The following SPATA17 variants were observed in gnomAD, a reference collection of about 807,000 sequenced individuals.
SPATA17 encodes the protein spermatogenesis-associated protein 17.
Under a neutral mutation model 62.2 loss-of-function variants are expected in SPATA17, and 53 were observed. That is an observed-to-expected ratio of 0.85 (90% CI 0.68 to 1.07). The LOEUF is 1.07. SPATA17 is among the 50% of genes least tolerant of loss of function. SPATA17 has a pLI of 0.00. For synonymous variants in SPATA17, 146 were observed against 146.8 expected, an observed-to-expected ratio of 0.99 and a Z score of 0.04; for missense variants, 466 against 425.5, an observed-to-expected ratio of 1.10 and a Z score of -0.84.
chr1:217,821,529 G>A (rs2136687), intron 9 of SPATA17, among the ~76,000 whole-genome samples: 43,598 of 151,908 alleles, frequency 0.29, 7,619 homozygotes, highest in Non-Finnish European at 0.38. Flanking sequence ...TACTTAGCAG[G>A]AGTTGATTCA....
intron 9 of SPATA17, chr1:217,850,706 C>T (rs1259225790): frequency 1.7e-6 from 2 of 1,195,998 alleles, no homozygotes; most frequent in Non-Finnish European, 1.2e-6. Flanking sequence ...CCTCCACACG[C>T]TCACCCGACA....
chr1:217,698,974 T>C lies in SPATA17; in HGVS notation c.395+15613T>C, dbSNP rs184826928. Among the ~76,000 whole-genome samples, 3 of 152,366 alleles carry C rather than the reference T, an allele frequency of 2.0e-5. No homozygotes were observed. The East Asian group carries it at 5.8e-4, about 29-fold the overall frequency. On this transcript the variant is annotated intron_variant, in intron 5 of 10. Transcript: ENST00000366933. ...TTATATAAATGGAGTGATACTGTTATGTCAAATCTTTATGATTGACTTTTT... is the reference window on the plus strand; with the variant it reads ...TTATATAAATGGAGTGATACTGTTACGTCAAATCTTTATGATTGACTTTTT...
At chr1:217,633,305 G>A (rs954290498) in intron 1 of SPATA17, among the ~76,000 whole-genome samples, 3 of 152,094 alleles carry the variant, frequency 2.0e-5, no homozygotes, top group Non-Finnish European at 4.4e-5. Context: ...TTATATATGA[G>A]GGATTGCACC....
At chr1:217,699,236 T>G (rs1451837434) in intron 5 of SPATA17, among the ~76,000 whole-genome samples, 4 of 152,220 alleles carry the variant, frequency 2.6e-5, no homozygotes, top group Non-Finnish European at 4.4e-5. Flanking sequence ...GTGCAAGTAT[T>G]GGGGCCTATG....
chr1:217,651,353 T>C (rs1670309287), intron 3 of SPATA17, among the ~76,000 whole-genome samples, 175 bp downstream of exon 3: 1 of 152,224 alleles, frequency 6.6e-6, no homozygotes, highest in Non-Finnish European at 1.5e-5. Context: ...TTTCTGATAT[T>C]TCCATGGAGA....
chr1:217,759,088 G>T lies in SPATA17; in HGVS notation c.520-15246G>T, dbSNP rs186959583. Among the ~76,000 whole-genome samples the T allele has an allele frequency of 2.4e-3, 372 of 152,296 alleles. 2 individuals carry two copies. Among genetic ancestry groups the T allele is most frequent in the Middle Eastern group, 0.017 (5 of 292 alleles). Reference sequence around the variant, plus strand: ...ACTGGACCATGTGCCAAAGGCTATTGTGAATATGGGGGAATAACCAGCAAG... The same window carrying T: ...ACTGGACCATGTGCCAAAGGCTATTTTGAATATGGGGGAATAACCAGCAAG... On this transcript the variant is annotated intron_variant, in intron 6 of 10. Coordinates refer to ENST00000366933, the MANE Select transcript of SPATA17 (RefSeq NM_138796.4).
At chr1:217,850,614 G>A (rs1464101981) in intron 9 of SPATA17, 2 of 1,594,334 alleles carry the variant, frequency 1.3e-6, no homozygotes, top group East Asian at 4.5e-5. Flanking sequence ...GCCAGTCAGG[G>A]TCTTCACGAA....
At position 217,734,526 on chromosome 1, in the gene SPATA17, T is replaced by TA. The variant is rs139408168; in HGVS notation, c.396-7448dup. Among the ~76,000 whole-genome samples the TA allele has an allele frequency of 3.2e-3, 486 of 152,282 alleles. 4 individuals are homozygous for TA. Among genetic ancestry groups the TA allele is most frequent in the African/African-American group, 0.011 (469 of 41,574 alleles). On this transcript the variant is annotated intron_variant, in intron 5 of 10. Coordinates refer to ENST00000366933, the MANE Select transcript of SPATA17 (RefSeq NM_138796.4). ...GACTGTTTTTATTTTGAAGGCATCT[T>TA]ACAACAGAAGCACACACTGACTTTA...
chr1:217,802,015 T>C (rs1027407492), intron 9 of SPATA17, among the ~76,000 whole-genome samples, 165 bp downstream of exon 9: 5 of 152,146 alleles, frequency 3.3e-5, no homozygotes, highest in African/African-American at 1.2e-4. Context: ...ATGTAAGATT[T>C]TTTTTTTTCA....
intron 2 of SPATA17, among the ~76,000 whole-genome samples, chr1:217,650,082 G>A (rs931157975): frequency 6.6e-6 from 1 of 151,948 alleles, no homozygotes; most frequent in Non-Finnish European, 1.5e-5. Flanking sequence ...TGGGATTACA[G>A]GCATGTGCCA....
At chr1:217,820,553 T>C (rs1045500408) in intron 9 of SPATA17, among the ~76,000 whole-genome samples, 20 of 151,662 alleles carry the variant, frequency 1.3e-4, no homozygotes, top group African/African-American at 4.6e-4. Context: ...GTATTACTCA[T>C]TGAGACTGGG....
chr1:217,718,681 A>G (rs149878638), intron 5 of SPATA17, among the ~76,000 whole-genome samples: 2 of 152,290 alleles, frequency 1.3e-5, no homozygotes, highest in African/African-American at 4.8e-5. Context: ...ACCATGAGTG[A>G]GAAGTAGGAA....
At chr1:217,826,681 G>T (rs1384527845) in intron 9 of SPATA17, among the ~76,000 whole-genome samples, 2 of 151,994 alleles carry the variant, frequency 1.3e-5, no homozygotes, top group Non-Finnish European at 2.9e-5. Context: ...ATTAGAGAAA[G>T]ATTTATCTTT....
chr1:217,763,659 C>T (rs1197414645), intron 6 of SPATA17, among the ~76,000 whole-genome samples: 1 of 152,106 alleles, frequency 6.6e-6, no homozygotes, highest in East Asian at 1.9e-4. Flanking sequence ...GTAAGCACAG[C>T]AGATGGAGAG....
At chr1:217,678,206 T>TA (rs1670998111) in intron 4 of SPATA17, among the ~76,000 whole-genome samples, 1 of 131,784 alleles carries the variant, frequency 7.6e-6, no homozygotes. Context: ...TTTTCTTTTC[T>TA]TTTTTTTTTT....
At chr1:217,862,889 G>T in intron 10 of SPATA17, 33 bp downstream of exon 10, 1 of 1,433,980 alleles carries the variant, frequency 7.0e-7, no homozygotes, top group South Asian at 1.3e-5. Context: ...AATTCAAAAA[G>T]TATATTAAAT....
chr1:217,703,069 C>T (rs1291004740), intron 5 of SPATA17, among the ~76,000 whole-genome samples: 1 of 151,532 alleles, frequency 6.6e-6, no homozygotes, highest in African/African-American at 2.4e-5. Context: ...AGAAACGGGG[C>T]TTCACCATGT....
Position 217,648,910 on chromosome 1 carries a change from A to T in SPATA17, c.97A>T (p.Asn33Tyr). The change falls in exon 2 of 11, where the codon AAT becomes TAT. Residue 33 changes from asparagine (N) to tyrosine (Y), a missense_variant. Asn to Tyr is a moderately radical substitution (Grantham distance 143). Transcript: ENST00000366933. ...SVVDPFRKKE[N>Y]DAAVKIQSWF... ...TGTAGATCCATTTAGAAAAAAGGAGAATGATGCAGCAGTTAAAATCCAAAG... is the reference window on the plus strand; with the variant it reads ...TGTAGATCCATTTAGAAAAAAGGAGTATGATGCAGCAGTTAAAATCCAAAG... 6.2e-7 allele frequency: 1 copy of T among 1,609,378 alleles called. No individual in the cohort carries two copies. The highest frequency in any genetic ancestry group is 1.1e-5 in the South Asian group (1 of 90,166).
At position 217,640,750 on chromosome 1, in the gene SPATA17, T is replaced by C. The variant is rs571992759; in HGVS notation, c.69-8132T>C. Among the ~76,000 whole-genome samples the C allele has an allele frequency of 3.2e-4, 48 of 152,146 alleles. No individual in the cohort carries two copies. The South Asian group carries it at 6.6e-3, about 21-fold the overall frequency. On this transcript the variant is annotated intron_variant, in intron 1 of 10. Coordinates refer to ENST00000366933, the MANE Select transcript of SPATA17 (RefSeq NM_138796.4). Reference sequence around the variant, plus strand: ...TTAAAAGAGTGAAACATTTTATACATAATGACATGAACAAAATCTCTGAGA... The same window carrying C: ...TTAAAAGAGTGAAACATTTTATACACAATGACATGAACAAAATCTCTGAGA...
Sources: allele counts gnomAD v4.1 joint callset (sites outside exome capture counted in the v4.1 genomes callset), GRCh38; gene constraint gnomAD v4.1.1; transcripts MANE v1.5; gene names NCBI Gene and HGNC (gene_info 2026-07-23, HGNC 2026-07-21).